The following SGK1 variants were observed in gnomAD, a reference collection of about 807,000 sequenced individuals.
SGK1 encodes the protein serum/glucocorticoid regulated kinase 1.
A neutral mutation model predicts 64.2 loss-of-function variants in SGK1; 26 were observed. That is an observed-to-expected ratio of 0.40 (90% CI 0.30 to 0.56). SGK1 has a LOEUF of 0.56. SGK1 is among the 20% of genes least tolerant of loss of function. SGK1 has a pLI of 0.38. For synonymous variants in SGK1, 265 were observed against 239.7 expected (o/e 1.11, Z -0.98); for missense variants, 519 against 645.6 (o/e 0.80, Z 2.12).
At chr6:134,267,021 G>A (rs2114754826) in intron 1 of SGK1, among the ~76,000 whole-genome samples, 1 of 152,194 alleles carries the variant, frequency 6.6e-6, no homozygotes, top group East Asian at 1.9e-4. Context: ...TAGGGTTACT[G>A]TGAACAGGAT....
At chr6:134,177,694 C>T in intron 3 of SGK1, 1 of 1,613,934 alleles carries the variant, frequency 6.2e-7, no homozygotes, top group Non-Finnish European at 8.5e-7. Flanking sequence ...CTTCTTCTTT[C>T]ATTCTTCGGG....
At chr6:134,227,843 T>C (rs1040922028) in intron 2 of SGK1, among the ~76,000 whole-genome samples, 5 of 151,728 alleles carry the variant, frequency 3.3e-5, no homozygotes, top group African/African-American at 1.2e-4. Context: ...GAGTAATAAA[T>C]CTTATTTGAA....
At chr6:134,317,318 T>C in intron 1 of SGK1, 74 bp downstream of exon 1, 1 of 959,270 alleles carries the variant, frequency 1.0e-6, no homozygotes, top group Non-Finnish European at 1.7e-6. Flanking sequence ...ACCTCAGGCT[T>C]ACTTCAGGCA....
chr6:134,246,306 G>A (rs949074430), intron 2 of SGK1, among the ~76,000 whole-genome samples: 1 of 149,420 alleles, frequency 6.7e-6, no homozygotes. Flanking sequence ...GTGCCACCCC[G>A]CCTGGCTAAT....
intron 1 of SGK1, chr6:134,297,962 CG>C: frequency 1.2e-6 from 1 of 810,020 alleles, no homozygotes. Flanking sequence ...CGTCCATGTC[CG>C]GGGAGCGGCT....
chr6:134,255,759 A>G (rs1364471258), intron 2 of SGK1, among the ~76,000 whole-genome samples: 2 of 151,172 alleles, frequency 1.3e-5, no homozygotes, highest in South Asian at 2.1e-4. Context: ...TAATTTTTGT[A>G]TTTTTAGTAG....
intron 2 of SGK1, among the ~76,000 whole-genome samples, chr6:134,209,395 C>T (rs1775849070): frequency 6.6e-6 from 1 of 152,258 alleles, no homozygotes; most frequent in Non-Finnish European, 1.5e-5. Context: ...GATCGTGCCA[C>T]TGCACTCTAG....
intron 2 of SGK1, chr6:134,260,374 A>C (rs9321432): frequency 0.077 from 8,698 of 112,428 alleles, 56 homozygotes; most frequent in Non-Finnish European, 0.098. Context: ...CCCGACCCCC[A>C]CCCCCCCCAA....
chr6:134,220,058 C>CAAAAA lies in SGK1; in HGVS notation c.286-12632_286-12628dup, dbSNP rs55870107. Reference sequence around the variant, plus strand: ...TGGGCGACAGAGCGAGACTCCGTCTCAAAAAAAAAAAAAAAAAAAAAAAAA... The same window carrying CAAAAA: ...TGGGCGACAGAGCGAGACTCCGTCTCAAAAAAAAAAAAAAAAAAAAAAAAAAAAAA... On this transcript the variant is annotated intron_variant, in intron 2 of 13. Transcript: ENST00000367858. Among the ~76,000 whole-genome samples the CAAAAA allele has an allele frequency of 8.6e-3, 526 of 61,364 alleles. 1 individual carries two copies. The highest frequency in any genetic ancestry group is 0.023 in the African/African-American group (215 of 9,186). 40.3% of individuals were successfully genotyped at this position (61,364 alleles called of 152,430 possible).
At chr6:134,315,810 C>T (rs1777674736) in intron 1 of SGK1, among the ~76,000 whole-genome samples, 1 of 152,038 alleles carries the variant, frequency 6.6e-6, no homozygotes, top group Non-Finnish European at 1.5e-5. Flanking sequence ...GAGGCTGAGG[C>T]AGGAGGACCA....
chr6:134,174,902 C>G lies in SGK1; in HGVS notation c.362-316G>C. On this transcript the variant is annotated intron_variant, in intron 3 of 13. Coordinates refer to ENST00000367858, the MANE Select transcript of SGK1 (RefSeq NM_001143676.3). ...GCGCTCGGCCTTATAAAAAAGGCACCGCCGCGGGGGCGGGGCCTGCGCGAC... is the reference window on the plus strand; with the variant it reads ...GCGCTCGGCCTTATAAAAAAGGCACGGCCGCGGGGGCGGGGCCTGCGCGAC... 1.9e-6 allele frequency: 3 copies of G among 1,578,048 alleles called. No individual in the cohort carries two copies. The South Asian group carries it at 3.4e-5, about 18-fold the overall frequency.
intron 1 of SGK1, among the ~76,000 whole-genome samples, chr6:134,287,513 G>A (rs1281777500): frequency 2.0e-5 from 3 of 150,302 alleles, no homozygotes; most frequent in Non-Finnish European, 3.0e-5. Context: ...ATTGGGCCTA[G>A]TGTGTATATT....
intron 1 of SGK1, among the ~76,000 whole-genome samples, chr6:134,268,722 C>CAAAAA (rs559703087): frequency 6.6e-4 from 48 of 72,340 alleles, no homozygotes; most frequent in African/African-American, 1.8e-3. Flanking sequence ...GACTCTGTCT[C>CAAAAA]AAAAAAAAAA....
intron 2 of SGK1, among the ~76,000 whole-genome samples, chr6:134,229,074 G>T (rs1252953339): frequency 1.3e-5 from 2 of 152,258 alleles, no homozygotes; most frequent in East Asian, 3.9e-4. Flanking sequence ...CTCGTGATCC[G>T]CCCGCCTTGG....
chr6:134,296,798 A>AC (rs34082465), intron 1 of SGK1, among the ~76,000 whole-genome samples: 1 of 146,412 alleles, frequency 6.8e-6, no homozygotes, highest in Admixed American at 6.9e-5. Flanking sequence ...AAAAAAAAAA[A>AC]CAGTTGAATT....
intron 2 of SGK1, among the ~76,000 whole-genome samples, chr6:134,232,473 A>AAGAGAAAGAAAG (rs766770696): frequency 5.2e-5 from 5 of 96,102 alleles, no homozygotes; most frequent in Non-Finnish European, 8.0e-5. Flanking sequence ...GAAAGAAAGA[A>AAGAGAAAGAAAG]AGAAAGAAAG....
chr6:134,182,320 G>T (rs1423972138), intron 3 of SGK1, among the ~76,000 whole-genome samples: 1 of 151,918 alleles, frequency 6.6e-6, no homozygotes, highest in African/African-American at 2.4e-5. Context: ...GGCCAAGGTG[G>T]GTGGGTCACT....
chr6:134,231,132 T>C (rs1474261223), intron 2 of SGK1, among the ~76,000 whole-genome samples: 1 of 152,192 alleles, frequency 6.6e-6, no homozygotes, highest in Admixed American at 6.5e-5. Context: ...AAGGCTGCAG[T>C]AAACTGTGAT....
At chr6:134,283,369 T>C (rs997301161) in intron 1 of SGK1, among the ~76,000 whole-genome samples, 3 of 152,044 alleles carry the variant, frequency 2.0e-5, no homozygotes, top group Non-Finnish European at 4.4e-5. Flanking sequence ...CACGTGCCTG[T>C]AATCCCAGTT....
Sources: gnomAD v4.1 joint callset for allele counts (sites outside exome capture counted in the v4.1 genomes callset) on GRCh38, gnomAD v4.1.1 for gene constraint, MANE v1.5 for transcripts, NCBI Gene and HGNC (gene_info 2026-07-23, HGNC 2026-07-21) for gene names.